OTOA: variants seen among roughly 807,000 people sequenced by gnomAD.
OTOA encodes cancer/testis antigen 108.
Under a neutral mutation model 110.8 loss-of-function variants are expected in OTOA, and 70 were observed. The ratio of observed to expected loss-of-function variants is 0.63; its 90% CI spans 0.52 to 0.77. The LOEUF (loss-of-function observed/expected upper bound fraction) is 0.77, where lower values mean the gene tolerates loss of function less well. Among genes scored for constraint, OTOA ranks in the 30% least tolerant of loss-of-function variants. The pLI is 0.00. For synonymous variants in OTOA, 373 were observed against 431.5 expected (o/e 0.86, Z 1.68); for missense variants, 917 against 1,075.8 (o/e 0.85, Z 2.06).
At chr16:21,700,786 C>G in intron 10 of OTOA, 102 bp from the exon 11 acceptor site, 1 of 1,376,198 alleles carries the variant, frequency 7.3e-7, no homozygotes, top group Non-Finnish European at 1.0e-6. Context: ...GGAGGTGTAT[C>G]CAAGTGTCCA....
rs775022169 is a variant in OTOA at position 21,728,343 on chromosome 16, G to A, written c.2119G>A (p.Ala707Thr). 9 of 1,614,064 alleles carry A rather than the reference G, an allele frequency of 5.6e-6. No homozygotes were observed. The Admixed American group carries it at 8.3e-5, about 15-fold the overall frequency. The change falls in exon 20 of 29, where the codon GCG becomes ACG. Residue 707 changes from alanine to threonine, a missense_variant. Around this residue, in one of 6 missense-constraint regions of OTOA, gnomAD observed 840 missense variants for 910.2 expected, o/e 0.92. Transcript: ENST00000646100. Reference sequence around the variant, plus strand: ...CAGGGGGATCTCCCCCAGGGCTTGGGCGACTGCTCTACACGGCCTCAGAGA... The same window carrying A: ...CAGGGGGATCTCCCCCAGGGCTTGGACGACTGCTCTACACGGCCTCAGAGA... ...IDRGISPRAWATALHGLRDCP... is the reference protein window; with the variant it reads ...IDRGISPRAWTTALHGLRDCP...
At chr16:21,675,338 A>C (rs58322755) in intron 1 of OTOA, among the ~76,000 whole-genome samples, 1 of 42,424 alleles carries the variant, frequency 2.4e-5, no homozygotes, top group Non-Finnish European at 6.0e-5. Context: ...TTTTTTTTTT[A>C]TAGAGATGGG....
chr16:21,737,912 T>G (rs1241274745), intron 22 of OTOA, among the ~76,000 whole-genome samples: 1 of 152,308 alleles, frequency 6.6e-6, no homozygotes, highest in East Asian at 1.9e-4. Context: ...CCAGTGATAG[T>G]AGTTGACAGT....
At chr16:21,695,891 A>ATATTTTTTTTTTTTTTT (rs569493650) in intron 9 of OTOA, among the ~76,000 whole-genome samples, 4 of 41,904 alleles carry the variant, frequency 9.5e-5, no homozygotes, top group African/African-American at 1.5e-4. Context: ...ATATATATAT[A>ATATTTTTTTTTTTTTTT]TTTTTTTTTT....
chr16:21,669,447 C>G (rs1966846235), intron 1 of OTOA, among the ~76,000 whole-genome samples: 1 of 152,110 alleles, frequency 6.6e-6, no homozygotes, highest in Non-Finnish European at 1.5e-5. Flanking sequence ...CACCTCTCCC[C>G]TAACCTGCAG....
chr16:21,679,403 A>AT (rs370959773), intron 5 of OTOA, among the ~76,000 whole-genome samples, 192 bp downstream of exon 5: 106 of 151,700 alleles, frequency 7.0e-4, no homozygotes, highest in African/African-American at 2.4e-3. Flanking sequence ...ATAAGGGCCA[A>AT]TTTTTTTTCT....
At chr16:21,678,485 C>A in intron 1 of OTOA, 26 bp from the exon 2 acceptor site, 2 of 1,508,264 alleles carry the variant, frequency 1.3e-6, no homozygotes, top group Non-Finnish European at 1.8e-6. Flanking sequence ...AAACATGAAT[C>A]ACTTCTATGC....
chr16:21,723,039 G>A lies in OTOA; in HGVS notation c.1880+61G>A, dbSNP rs1443039571. On this transcript the variant is annotated intron_variant, in intron 18 of 28. Coordinates refer to ENST00000646100, the MANE Select transcript of OTOA (RefSeq NM_144672.4). ...AGTGAGATCGGTGGGAATCACTGAA[G>A]TCAAAATGATTCTCTCCCCACTGGG... 3.9e-6 allele frequency: 6 copies of A among 1,547,198 alleles called. No homozygotes were observed. The African/African-American group carries it at 4.1e-5, about 11-fold the overall frequency.
chr16:21,682,388 C>A (rs188905872), intron 6 of OTOA, among the ~76,000 whole-genome samples: 1 of 152,200 alleles, frequency 6.6e-6, no homozygotes, highest in Non-Finnish European at 1.5e-5. Flanking sequence ...TCACATCTTA[C>A]TGCAAAGGAG....
At chr16:21,697,956 C>G (rs1176391023) in intron 10 of OTOA, 81 bp downstream of exon 10, 1 of 1,260,888 alleles carries the variant, frequency 7.9e-7, no homozygotes, top group Non-Finnish European at 1.2e-6. Context: ...TAATGTTCAT[C>G]CAGCCAGTCA....
chr16:21,701,085 G>A (rs1359891505), intron 11 of OTOA, 58 bp downstream of exon 11: 1 of 1,611,630 alleles, frequency 6.2e-7, no homozygotes, highest in East Asian at 2.2e-5. Flanking sequence ...CTAAGCATCA[G>A]AATTCTCTGA....
At chr16:21,714,852 G>T in intron 13 of OTOA, 133 bp from the exon 14 acceptor site, 1 of 1,151,434 alleles carries the variant, frequency 8.7e-7, no homozygotes, top group Non-Finnish European at 1.3e-6. Context: ...TGTGGAGGCA[G>T]CATCTGTCTG....
chr16:21,672,170 G>A (rs181404234), intron 1 of OTOA, among the ~76,000 whole-genome samples: 1 of 152,114 alleles, frequency 6.6e-6, no homozygotes, highest in African/African-American at 2.4e-5. Flanking sequence ...ATGTTATGTG[G>A]TCTTTTTTGA....
chr16:21,706,566 A>G (rs1004513165), intron 12 of OTOA, among the ~76,000 whole-genome samples: 1 of 152,116 alleles, frequency 6.6e-6, no homozygotes, highest in Non-Finnish European at 1.5e-5. Flanking sequence ...AGATGAGCAA[A>G]CACGCTCTCT....
intron 1 of OTOA, among the ~76,000 whole-genome samples, chr16:21,675,726 C>A (rs1235320203): frequency 6.6e-6 from 1 of 151,670 alleles, no homozygotes; most frequent in East Asian, 1.9e-4. Flanking sequence ...GGGTTTTTTT[C>A]GCACCTACCA....
chr16:21,731,626 C>T (rs1899119817), intron 21 of OTOA, among the ~76,000 whole-genome samples: 1 of 152,232 alleles, frequency 6.6e-6, no homozygotes, highest in African/African-American at 2.4e-5. Context: ...CACGCTGTCA[C>T]TTCTGCCACA....
Position 21,705,415 on chromosome 16 carries a change from G to A in OTOA, c.1104+123G>A. The A allele has an allele frequency of 2.7e-6, 4 of 1,471,300 alleles. No individual in the cohort carries two copies. In the African/African-American group the frequency reaches 4.2e-5, roughly 15 times the overall value. The allele number at this position is 1,471,300 out of a possible 1,614,324, so 91.1% of individuals were successfully genotyped here. On this transcript the variant is annotated intron_variant, in intron 12 of 28. Coordinates refer to ENST00000646100, the MANE Select transcript of OTOA (RefSeq NM_144672.4). ...CAGCATTAGTCGGGATTTAAGTCCA[G>A]TCACAGCAGATGGCATCTCAAATAC...
intron 1 of OTOA, among the ~76,000 whole-genome samples, chr16:21,674,644 T>G (rs893988897): frequency 4.9e-5 from 5 of 102,084 alleles, no homozygotes; most frequent in East Asian, 4.4e-4. Context: ...TCATTATGGT[T>G]TTTTTTTTTT....
intron 11 of OTOA, 93 bp downstream of exon 11, chr16:21,701,120 G>C: frequency 6.3e-7 from 1 of 1,576,676 alleles, no homozygotes; most frequent in Non-Finnish European, 8.7e-7. Context: ...AGGGAGGGAA[G>C]GGAGGTGGCT....
Sources: allele counts gnomAD v4.1 joint callset (sites outside exome capture counted in the v4.1 genomes callset), GRCh38; gene constraint gnomAD v4.1.1; regional missense constraint gnomAD v4.1.1; transcripts MANE v1.5; gene names NCBI Gene and HGNC (gene_info 2026-07-23, HGNC 2026-07-21).